Variants in IL4I1 observed in about 807,000 individuals in gnomAD.
IL4I1 encodes the protein interleukin 4 induced 1.
In IL4I1, 24 loss-of-function variants were observed where a neutral mutation model predicts 29.7. The observed-to-expected ratio is 0.81, with a 90% CI of 0.59 to 1.14. The LOEUF is 1.14. Among genes scored for constraint, IL4I1 ranks in the 50% most tolerant of loss-of-function variants. IL4I1 has a pLI of 0.00. For missense variants in IL4I1, 686 were observed against 785.6 expected, an observed-to-expected ratio of 0.87 and a Z score of 1.52; for synonymous variants, 371 against 352.5, an observed-to-expected ratio of 1.05 and a Z score of -0.59.
chr19:49,912,446 G>A (rs1050265994), intron 2 of IL4I1, among the ~76,000 whole-genome samples: 16 of 152,134 alleles, frequency 1.1e-4, no homozygotes, highest in African/African-American at 3.9e-4. Context: ...TGGGATTACA[G>A]GCATGAGCCA....
chr19:49,909,226 C>G (rs146962258), intron 2 of IL4I1: 1 of 1,613,812 alleles, frequency 6.2e-7, no homozygotes, highest in South Asian at 1.1e-5. Context: ...TGGCTGCTGG[C>G]GTGGCCGGAG....
At chr19:49,910,097 G>A (rs1478246511) in intron 2 of IL4I1, among the ~76,000 whole-genome samples, 1 of 152,076 alleles carries the variant, frequency 6.6e-6, no homozygotes, top group East Asian at 1.9e-4. Context: ...AGGGACGTGC[G>A]TGGCCATGTT....
At chr19:49,912,680 A>T (rs918887674) in intron 2 of IL4I1, among the ~76,000 whole-genome samples, 1 of 152,082 alleles carries the variant, frequency 6.6e-6, no homozygotes, top group African/African-American at 2.4e-5. Context: ...CCTGGCCAAC[A>T]TAGCGAGATG....
In IL4I1 at chr19:49,896,041, A is replaced by C. The variant is rs765827962; in HGVS notation, c.26T>G (p.Leu9Arg). The C allele has an allele frequency of 6.2e-7, 1 of 1,613,766 alleles. No homozygotes were observed. Among genetic ancestry groups the C allele is most frequent in the East Asian group, 2.2e-5 (1 of 44,866 alleles). The change falls in exon 3 of 8, where the codon CTC becomes CGC. Residue 9 changes from leucine to arginine, a missense_variant. Transcript: ENST00000391826. ...GCTGAGGAGGATGGGGACGAGGACG[A>C]GGAGGTGCAGGGCTGGGAGGAGGAG... MAPLALHL[L>R]VLVPILLSLV...
At chr19:49,909,499 A>T in intron 2 of IL4I1, 5 of 1,614,158 alleles carry the variant, frequency 3.1e-6, no homozygotes, top group Non-Finnish European at 4.2e-6. Context: ...CTGGGGTGGC[A>T]GCTGTGTTGC....
chr19:49,901,693 C>A, upstream of IL4I1: 4 of 1,537,700 alleles, frequency 2.6e-6, no homozygotes, highest in Non-Finnish European at 3.5e-6. Flanking sequence ...ATGGTTAGCC[C>A]AGGACAGAAG....
intron 6 of IL4I1, 73 bp from the exon 7 acceptor site, chr19:49,891,180 G>GCCT: frequency 6.4e-7 from 1 of 1,568,102 alleles, no homozygotes; most frequent in Admixed American, 1.8e-5. Flanking sequence ...CCGCAGCTGG[G>GCCT]CCTCCTGGTC....
chr19:49,925,309 C>T (rs766432819), intron 2 of IL4I1, among the ~76,000 whole-genome samples: 4 of 151,794 alleles, frequency 2.6e-5, no homozygotes, highest in Non-Finnish European at 5.9e-5. Context: ...AAACCCAGGC[C>T]GGGCACAGTG....
intron 2 of IL4I1, among the ~76,000 whole-genome samples, chr19:49,912,460 C>T (rs530418134): frequency 8.5e-5 from 13 of 152,268 alleles, no homozygotes; most frequent in East Asian, 1.9e-4. Flanking sequence ...TGAGCCACTG[C>T]GCCCGGCCAA....
intron 6 of IL4I1, 55 bp from the exon 7 acceptor site, chr19:49,891,162 G>A: frequency 1.1e-5 from 17 of 1,588,184 alleles, no homozygotes; most frequent in Non-Finnish European, 1.5e-5. Context: ...ACCCCTGAGA[G>A]AGCCCCTCCG....
upstream of IL4I1, among the ~76,000 whole-genome samples, chr19:49,901,008 T>TG (rs1307403975): frequency 1.3e-5 from 2 of 152,240 alleles, no homozygotes; most frequent in African/African-American, 4.8e-5. Flanking sequence ...ACAGATGTGC[T>TG]GGGGACCGGG....
At chr19:49,895,330 TGG>T in intron 3 of IL4I1, 150 bp from the exon 4 acceptor site, 1 of 634,098 alleles carries the variant, frequency 1.6e-6, no homozygotes, top group Non-Finnish European at 2.8e-6. Flanking sequence ...TGTATGGAGG[TGG>T]GGGAACAGAA....
At position 49,912,163 on chromosome 19, in the gene IL4I1, CACCT is replaced by C. The variant is rs1353874212; in HGVS notation, c.-227-7846_-227-7843del. On this transcript the variant is annotated intron_variant, in intron 2 of 9. Transcript: ENST00000341114. The stretch of plus-strand genomic sequence containing the variant: ...TGGGGACTTGTCTGGCTTAACAGTT[CACCT>C]TTTTTTTTTTTTTTTTTTTGAGACG... 2.2e-5 allele frequency among the ~76,000 whole-genome samples: 3 copies of C among 137,920 alleles called. No homozygotes were observed. The East Asian group carries it at 6.8e-4, about 31-fold the overall frequency. The allele number at this position is 137,920 out of a possible 152,430, so 90.5% of individuals were successfully genotyped here.
intron 2 of IL4I1, chr19:49,908,191 C>G (rs772132592): frequency 6.2e-7 from 1 of 1,603,106 alleles, no homozygotes; most frequent in Admixed American, 1.7e-5. Flanking sequence ...AGGGCGCATT[C>G]CCCTCATGAA....
At chr19:49,901,377 C>G (rs1259393991), upstream of IL4I1, among the ~76,000 whole-genome samples, 1 of 152,192 alleles carries the variant, frequency 6.6e-6, no homozygotes, top group Non-Finnish European at 1.5e-5. Context: ...GAGCGAGACT[C>G]TGTCTCAAAA....
chr19:49,913,706 C>T (rs1055139640), intron 2 of IL4I1, among the ~76,000 whole-genome samples: 4 of 152,216 alleles, frequency 2.6e-5, no homozygotes, highest in African/African-American at 9.6e-5. Flanking sequence ...CATAATAAAC[C>T]GTGACCGTGA....
At chr19:49,895,731 A>T (rs1424860650) in intron 3 of IL4I1, 84 bp downstream of exon 3, 7 of 640,090 alleles carry the variant, frequency 1.1e-5, no homozygotes, top group Non-Finnish European at 1.9e-5. Flanking sequence ...CCCCTCAAGG[A>T]GGAACGCGGC....
rs1355297860 is a variant in IL4I1 at position 49,891,077 on chromosome 19, G to T, written c.667C>A (p.Arg223=). 6.2e-7 allele frequency: 1 copy of T among 1,613,370 alleles called. No homozygotes were observed. Among genetic ancestry groups the T allele is most frequent in the Non-Finnish European group, 8.5e-7 (1 of 1,179,922 alleles). ...EYLLGEGNLS[R]PAVQLLGDVM... ...TCTCCCAGAAGCTGCACGGCCGGCC[G>T]GCTCAGGTTCCCCTCCCCGAGAAGA... is the stretch of plus-strand genomic sequence containing the variant. Residue 223 remains arginine (R), a synonymous_variant, in exon 7 of 8, where the codon CGG becomes AGG. Transcript: ENST00000391826.
intron 2 of IL4I1, among the ~76,000 whole-genome samples, chr19:49,913,554 T>C (rs1404748516): frequency 6.6e-6 from 1 of 152,236 alleles, no homozygotes; most frequent in Non-Finnish European, 1.5e-5. Context: ...CCGTAAGCGT[T>C]ACCACACGCT....
Sources: allele counts gnomAD v4.1 joint callset (sites outside exome capture counted in the v4.1 genomes callset), GRCh38; gene constraint gnomAD v4.1.1; transcripts MANE v1.5; gene names NCBI Gene and HGNC (gene_info 2026-07-23, HGNC 2026-07-21).